SLC45A4: variants seen among roughly 807,000 people sequenced by gnomAD.
SLC45A4 encodes polyamine-transporter SLC45A4.
A neutral mutation model predicts 63.7 loss-of-function variants in SLC45A4; 32 were observed. The ratio of observed to expected loss-of-function variants is 0.50; its 90% CI spans 0.38 to 0.67. SLC45A4 has a LOEUF of 0.67. Ranked by LOEUF, SLC45A4 falls within the 30% of genes least tolerant of loss-of-function variation. The pLI is 0.00. For missense variants in SLC45A4, 1,027 were observed against 1,157.7 expected, an observed-to-expected ratio of 0.89 and a Z score of 1.64; for synonymous variants, 535 against 510.0, an observed-to-expected ratio of 1.05 and a Z score of -0.66.
At chr8:141,261,319 G>A (rs1317877846) in intron 1 of SLC45A4, among the ~76,000 whole-genome samples, 3 of 152,126 alleles carry the variant, frequency 2.0e-5, no homozygotes, top group Admixed American at 6.5e-5. Flanking sequence ...GCACAAGACA[G>A]GGATGCCCTC....
chr8:141,273,029 GGAA>G (rs1445327210), intron 1 of SLC45A4, among the ~76,000 whole-genome samples: 3 of 152,212 alleles, frequency 2.0e-5, no homozygotes, highest in Admixed American at 6.5e-5. Context: ...AATGTCAACA[GGAA>G]GAAGATGCAG....
At chr8:141,294,041 G>A (rs1830450759) in intron 1 of SLC45A4, among the ~76,000 whole-genome samples, 1 of 152,192 alleles carries the variant, frequency 6.6e-6, no homozygotes, top group Non-Finnish European at 1.5e-5. Context: ...ATCTGGTTTG[G>A]GGATTCAGGC....
rs755730270 is a variant in SLC45A4 at position 141,217,184 on chromosome 8, G to C, written c.1635C>G (p.Pro545=). The C allele has an allele frequency of 1.4e-5, 22 of 1,613,492 alleles. No homozygotes were observed. The South Asian group carries it at 2.3e-4, about 17-fold the overall frequency. The change falls in exon 6 of 9, where the codon CCC becomes CCG. Residue 545 remains proline, a synonymous_variant. Transcript: ENST00000517878. ...QVIFEGDPKA[P]SNSTAWQAYN... Reference sequence around the variant, plus strand: ...AGGCTTGCCAGGCGGTCGAGTTCGAGGGGGCCTGTTCCGGAAATGAGACGG... The same window carrying C: ...AGGCTTGCCAGGCGGTCGAGTTCGACGGGGCCTGTTCCGGAAATGAGACGG...
chr8:141,294,428 C>A (rs1225423784), intron 1 of SLC45A4, among the ~76,000 whole-genome samples: 2 of 152,218 alleles, frequency 1.3e-5, no homozygotes, highest in South Asian at 4.1e-4. Flanking sequence ...CCCCGCCTCA[C>A]CAACCCAATT....
intron 2 of SLC45A4, among the ~76,000 whole-genome samples, chr8:141,239,574 GCACACACACACACA>G (rs56366558): frequency 6.9e-6 from 1 of 144,388 alleles, no homozygotes; most frequent in Non-Finnish European, 1.5e-5. Context: ...CAGGAGCAAA[GCACACACACACACA>G]CACACACACA....
At chr8:141,220,394 A>G (rs933036626) in intron 3 of SLC45A4, among the ~76,000 whole-genome samples, 2 of 152,144 alleles carry the variant, frequency 1.3e-5, no homozygotes, top group African/African-American at 4.8e-5. Flanking sequence ...GTGGCTCTAG[A>G]GAGAAAGATG....
intron 2 of SLC45A4, among the ~76,000 whole-genome samples, chr8:141,238,508 C>T (rs1415792986): frequency 1.3e-5 from 2 of 152,200 alleles, no homozygotes; most frequent in Non-Finnish European, 2.9e-5. Flanking sequence ...CGCCATTCTG[C>T]TTTCTGCCTC....
intron 2 of SLC45A4, among the ~76,000 whole-genome samples, chr8:141,239,894 C>T (rs1168411766): frequency 6.6e-6 from 1 of 152,186 alleles, no homozygotes; most frequent in Non-Finnish European, 1.5e-5. Flanking sequence ...GTCAGGGCCC[C>T]ACACAACCCA....
chr8:141,292,267 C>T (rs1830376096), intron 1 of SLC45A4, among the ~76,000 whole-genome samples: 1 of 152,240 alleles, frequency 6.6e-6, no homozygotes, highest in African/African-American at 2.4e-5. Context: ...CTGGGCCCGC[C>T]AATCCAGCTG....
At chr8:141,298,240 A>T (rs1289163822) in intron 1 of SLC45A4, among the ~76,000 whole-genome samples, 1 of 152,272 alleles carries the variant, frequency 6.6e-6, no homozygotes, top group African/African-American at 2.4e-5. Context: ...ACTTTTAGGC[A>T]TGTCTCAAAA....
At chr8:141,264,607 G>T (rs1829183749) in intron 1 of SLC45A4, among the ~76,000 whole-genome samples, 1 of 152,188 alleles carries the variant, frequency 6.6e-6, no homozygotes, top group Admixed American at 6.5e-5. Context: ...TTCCATTAAT[G>T]TTATAAACTA....
At position 141,218,641 on chromosome 8, in the gene SLC45A4, G is replaced by A; in HGVS notation, c.999C>T (p.Ser333=). The change falls in exon 5 of 9, where the codon TCC becomes TCT. Residue 333 remains serine (S), a synonymous_variant. Coordinates refer to ENST00000517878, the MANE Select transcript of SLC45A4 (RefSeq NM_001286646.2). The part of the protein sequence containing the change: ...ELLFLHDIEP[S]IFHDASYPAT... Reference sequence around the variant, plus strand: ...CGGGGTAGGAGGCGTCGTGGAAGATGGAGGGCTCGATGTCGTGCAGGAACA... The same window carrying A: ...CGGGGTAGGAGGCGTCGTGGAAGATAGAGGGCTCGATGTCGTGCAGGAACA... The A allele has an allele frequency of 1.9e-6, 3 of 1,613,438 alleles. No homozygotes were observed. The highest frequency in any genetic ancestry group is 1.7e-6 in the Non-Finnish European group (2 of 1,179,920).
rs760440903 is a variant in SLC45A4 at position 141,299,141 on chromosome 8, T to G, written c.-401+8955A>C. On this transcript the variant is annotated intron_variant, in intron 1 of 8. Coordinates refer to ENST00000517878, the MANE Select transcript of SLC45A4 (RefSeq NM_001286646.2). ...GACAGAAACCCCTCACACACCCTGGTTACCACACGGAAGCAGAAGCTCCGA... is the reference window on the plus strand; with the variant it reads ...GACAGAAACCCCTCACACACCCTGGGTACCACACGGAAGCAGAAGCTCCGA... Among the ~76,000 whole-genome samples the G allele has an allele frequency of 4.6e-5, 7 of 152,132 alleles. 1 individual carries two copies. The highest frequency in any genetic ancestry group is 2.1e-4 in the South Asian group (1 of 4,828).
At chr8:141,247,212 G>T (rs563795927) in intron 2 of SLC45A4, among the ~76,000 whole-genome samples, 5 of 111,470 alleles carry the variant, frequency 4.5e-5, no homozygotes, top group Non-Finnish European at 2.3e-5. Context: ...ACTACTAAGT[G>T]AGTTTGGCAA....
chr8:141,216,051 C>T, intron 6 of SLC45A4, 81 bp from the exon 7 acceptor site: 3 of 1,215,782 alleles, frequency 2.5e-6, no homozygotes, highest in Non-Finnish European at 2.3e-6. Context: ...CCTCCCCTCG[C>T]CCCCCACATC....
At chr8:141,265,262 T>C (rs185430991) in intron 1 of SLC45A4, among the ~76,000 whole-genome samples, 1 of 152,314 alleles carries the variant, frequency 6.6e-6, no homozygotes, top group East Asian at 1.9e-4. Flanking sequence ...GTGGTGCATA[T>C]TTCCTGAACA....
chr8:141,304,930 C>T lies in SLC45A4; in HGVS notation c.-401+3166G>A, dbSNP rs187983247. Among the ~76,000 whole-genome samples the T allele has an allele frequency of 3.6e-3, 549 of 152,306 alleles. 3 individuals are homozygous for T. The highest frequency in any genetic ancestry group is 6.8e-3 in the Middle Eastern group (2 of 294). On this transcript the variant is annotated intron_variant, in intron 1 of 8. Coordinates refer to ENST00000517878, the MANE Select transcript of SLC45A4 (RefSeq NM_001286646.2). ...AAGTCACTTGCCAAGGAGGCCACTT[C>T]GTAAACACTATGCTGTTTCTCCTGT...
chr8:141,260,176 AAAC>A (rs752130642), intron 1 of SLC45A4, among the ~76,000 whole-genome samples: 4 of 152,246 alleles, frequency 2.6e-5, no homozygotes, highest in Non-Finnish European at 4.4e-5. Context: ...ATATTGATGA[AAAC>A]AACAAATATC....
rs535546754 is a variant in SLC45A4, at chr8:141,228,516, C to T, written c.242-6751G>A. 154 of 1,312,492 alleles carry T rather than the reference C, an allele frequency of 1.2e-4. No individual in the cohort carries two copies. In the African/African-American group the frequency reaches 2.2e-3, roughly 18 times the overall value. 81.3% of individuals were successfully genotyped at this position (1,312,492 alleles called of 1,614,324 possible). A position where few individuals can be genotyped will look rare whatever the true frequency, so the allele number is the denominator to read the frequency against. On this transcript the variant is annotated intron_variant, in intron 2 of 8. Coordinates refer to ENST00000517878, the MANE Select transcript of SLC45A4 (RefSeq NM_001286646.2). ...ACTGGCAGGCACCTGTCTTCACTGG[C>T]CAGCTCCTCGGGCAGGCACTCCCCG...
Sources: gnomAD v4.1 joint callset for allele counts (sites outside exome capture counted in the v4.1 genomes callset) on GRCh38, gnomAD v4.1.1 for gene constraint, MANE v1.5 for transcripts, NCBI Gene and HGNC (gene_info 2026-07-23, HGNC 2026-07-21) for gene names.